ART3: variants seen among roughly 807,000 people sequenced by gnomAD.
ART3 encodes the protein ADP-ribosyltransferase 3 (inactive).
In ART3, 49 loss-of-function variants were observed where a neutral mutation model predicts 48.5. That is an observed-to-expected ratio of 1.01 (90% CI 0.80 to 1.28). ART3 has a LOEUF of 1.28. ART3 is among the 50% of genes most tolerant of loss of function. The pLI is 0.00. For synonymous variants in ART3, 145 were observed against 157.2 expected, an observed-to-expected ratio of 0.92 and a Z score of 0.58; for missense variants, 438 against 454.3, an observed-to-expected ratio of 0.96 and a Z score of 0.33.
upstream of ART3, among the ~76,000 whole-genome samples, chr4:76,074,542 T>C (rs1720665800): frequency 6.6e-6 from 1 of 152,200 alleles, no homozygotes. Context: ...TAAAGGGAAT[T>C]GCTATGGCTT....
chr4:76,065,552 A>AACACATACAC (rs1553929869), intron 1 of ART3, among the ~76,000 whole-genome samples: 3 of 145,294 alleles, frequency 2.1e-5, no homozygotes, highest in African/African-American at 7.7e-5. Context: ...ATAACCCTCC[A>AACACATACAC]ACACACACAC....
chr4:76,091,638 A>T, intron 3 of ART3, among the ~76,000 whole-genome samples: 1 of 147,422 alleles, frequency 6.8e-6, no homozygotes, highest in African/African-American at 2.5e-5. Flanking sequence ...TTTTTGTCTG[A>T]TATGTGATTT....
At chr4:76,049,689 A>G (rs1176911097) in intron 1 of ART3, among the ~76,000 whole-genome samples, 4 of 151,928 alleles carry the variant, frequency 2.6e-5, no homozygotes, top group Admixed American at 1.3e-4. Context: ...AAGGGGTCTG[A>G]TGGTACTCAC....
In ART3 at chr4:76,082,452, T is replaced by C; in HGVS notation, c.698T>C (p.Val233Ala). 1 of 1,613,556 alleles carries C rather than the reference T, an allele frequency of 6.2e-7. No individual in the cohort carries two copies. Among genetic ancestry groups the C allele is most frequent in the Non-Finnish European group, 8.5e-7 (1 of 1,179,992 alleles). The change falls in exon 3 of 12, where the codon GTG becomes GCG. Residue 233 changes from valine (V) to alanine (A), a missense_variant. Val to Ala is a moderately conservative substitution (Grantham distance 64). Transcript: ENST00000355810. Reference protein sequence around the residue: ...TLIPLNEVFQVSQEGAGNNLI... With the variant: ...TLIPLNEVFQASQEGAGNNLI... Reference sequence around the variant, plus strand: ...ATACCTCTGAATGAGGTTTTTCAAGTGTCACAGGAGGGGGCTGGCAATAAC... The same window carrying C: ...ATACCTCTGAATGAGGTTTTTCAAGCGTCACAGGAGGGGGCTGGCAATAAC...
At chr4:76,089,877 C>T (rs142651741) in intron 3 of ART3, among the ~76,000 whole-genome samples, 2,044 of 152,142 alleles carry the variant, frequency 0.013, 40 homozygotes, top group African/African-American at 0.047. Flanking sequence ...GTCAGGTGTT[C>T]GAGACCAGCC....
intron 1 of ART3, among the ~76,000 whole-genome samples, chr4:76,069,389 T>TTCC (rs1720082711): frequency 2.4e-5 from 3 of 126,620 alleles, no homozygotes; most frequent in Non-Finnish European, 3.5e-5. Context: ...TTAATTCCTT[T>TTCC]TTTTTTTTTT....
chr4:76,021,899 A>G, intron 1 of ART3: 1 of 1,602,408 alleles, frequency 6.2e-7, no homozygotes, highest in Non-Finnish European at 8.6e-7. Context: ...CATCCTTGGA[A>G]GCACTGCATC....
At chr4:76,068,243 T>G (rs1421696134) in intron 1 of ART3, among the ~76,000 whole-genome samples, 2 of 152,200 alleles carry the variant, frequency 1.3e-5, no homozygotes, top group African/African-American at 2.4e-5. Context: ...TATATCATCA[T>G]GTAACATCTA....
rs1015154250 is a variant in ART3, at chr4:76,068,135, TTTG to T, written c.-9-7737_-9-7735del. Among the ~76,000 whole-genome samples the T allele has an allele frequency of 4.1e-4, 62 of 152,296 alleles. 1 individual carries two copies. The highest frequency in any genetic ancestry group is 1.5e-3 in the African/African-American group (62 of 41,560). On this transcript the variant is annotated intron_variant, in intron 1 of 9. Transcript: ENST00000341029. The stretch of plus-strand genomic sequence containing the variant: ...CAGGGAGTATGTAGGCAAGATAGTT[TTTG>T]TTGTTGTTTGTTAAAATTTGCCTTA...
At chr4:76,063,011 A>ACT (rs931867506) in intron 1 of ART3, among the ~76,000 whole-genome samples, 10 of 151,384 alleles carry the variant, frequency 6.6e-5, no homozygotes, top group Middle Eastern at 3.4e-3. Flanking sequence ...GCTAAATTTC[A>ACT]CTCTCTCAGT....
rs1729471894 is a variant in ART3, at chr4:76,111,526, T to TA, written c.1037-859dup. ...TGATTTTAATATTTTTTCTCTATTT[T>TA]ATTGTAAAAATACAGTTTATTTATT... On this transcript the variant is annotated intron_variant, in intron 11 of 11. Coordinates refer to ENST00000355810, the MANE Select transcript of ART3 (RefSeq NM_001130016.3). Among the ~76,000 whole-genome samples, 3 of 149,586 alleles carry TA rather than the reference T, an allele frequency of 2.0e-5. No homozygotes were observed. In the South Asian group the frequency reaches 6.4e-4, roughly 32 times the overall value.
intron 1 of ART3, among the ~76,000 whole-genome samples, chr4:76,028,699 C>A (rs1270386663): frequency 6.6e-6 from 1 of 152,202 alleles, no homozygotes; most frequent in Non-Finnish European, 1.5e-5. Flanking sequence ...TCAAAAGATT[C>A]CCCGAGCTCA....
intron 1 of ART3, among the ~76,000 whole-genome samples, chr4:76,040,073 C>T (rs1218905477): frequency 6.6e-6 from 1 of 152,106 alleles, no homozygotes; most frequent in Non-Finnish European, 1.5e-5. Flanking sequence ...GCCTGTAATC[C>T]CAGCAGTTTG....
chr4:76,035,235 A>T (rs965335685), intron 1 of ART3: 5 of 1,614,130 alleles, frequency 3.1e-6, no homozygotes, highest in Non-Finnish European at 8.5e-7. Context: ...ATTTTGTCAC[A>T]GTTGTTACTT....
chr4:76,036,092 G>T, intron 1 of ART3: 1 of 1,028,382 alleles, frequency 9.7e-7, no homozygotes, highest in Non-Finnish European at 1.5e-6. Context: ...TTGATAATTG[G>T]CATATATAGA....
chr4:76,103,028 G>C (rs557937594), intron 8 of ART3, among the ~76,000 whole-genome samples: 11 of 152,084 alleles, frequency 7.2e-5, no homozygotes, highest in Non-Finnish European at 1.6e-4. Flanking sequence ...TTCTCAAAGC[G>C]TTCTGAGTTT....
At chr4:76,036,104 C>A in intron 1 of ART3, 1 of 817,760 alleles carries the variant, frequency 1.2e-6, no homozygotes, top group Non-Finnish European at 2.0e-6. Context: ...ATATATAGAG[C>A]ATTTTATACA....
intron 1 of ART3, among the ~76,000 whole-genome samples, chr4:76,053,496 C>G (rs1736332249): frequency 6.6e-6 from 1 of 152,054 alleles, no homozygotes; most frequent in South Asian, 2.1e-4. Flanking sequence ...TTATCTATAA[C>G]CAAATTTAAT....
At chr4:76,086,028 C>A (rs1213269737) in intron 3 of ART3, among the ~76,000 whole-genome samples, 1 of 151,802 alleles carries the variant, frequency 6.6e-6, no homozygotes, top group African/African-American at 2.4e-5. Context: ...GCTGAGACTG[C>A]ACAACTGCAC....
Sources: gnomAD v4.1 joint callset for allele counts (sites outside exome capture counted in the v4.1 genomes callset) on GRCh38, gnomAD v4.1.1 for gene constraint, MANE v1.5 for transcripts, NCBI Gene and HGNC (gene_info 2026-07-23, HGNC 2026-07-21) for gene names.